Variants in DPP10 observed in about 807,000 individuals in gnomAD.
The protein encoded by DPP10 is dipeptidyl peptidase like 10, also known as inactive dipeptidyl peptidase 10.
DPP10 carries 33 observed loss-of-function variants against 120.9 expected under a neutral mutation model. The ratio of observed to expected loss-of-function variants is 0.27; its 90% confidence interval spans 0.21 to 0.37. The LOEUF (loss-of-function observed/expected upper bound fraction) is 0.37. DPP10 is among the 10% of genes least tolerant of loss of function. DPP10 has a pLI of 1.00. For synonymous variants in DPP10, 337 were observed against 326.1 expected (o/e 1.03, Z -0.36); for missense variants, 816 against 942.8 (o/e 0.87, Z 1.76).
chr2:115,416,420 C>T (rs1039591408), intron 3 of DPP10, among the ~76,000 whole-genome samples: 5 of 152,222 alleles, frequency 3.3e-5, no homozygotes, highest in African/African-American at 9.6e-5. Context: ...TTTATAGCTG[C>T]CTCTGTAGGT....
chr2:114,609,661 G>A (rs1421619674), intron 1 of DPP10, among the ~76,000 whole-genome samples: 1 of 152,110 alleles, frequency 6.6e-6, no homozygotes, highest in Non-Finnish European at 1.5e-5. Flanking sequence ...GTGATAGGGA[G>A]GACAATGTAA....
intron 5 of DPP10, among the ~76,000 whole-genome samples, chr2:115,591,749 A>C (rs1189115348): frequency 1.3e-5 from 2 of 152,126 alleles, no homozygotes; most frequent in South Asian, 4.1e-4. Context: ...CTTGGGCAGT[A>C]TGGCCATTTT....
intron 1 of DPP10, among the ~76,000 whole-genome samples, chr2:115,068,703 T>C (rs1423800985): frequency 2.0e-5 from 3 of 152,180 alleles, no homozygotes; most frequent in Admixed American, 6.5e-5. Flanking sequence ...TAGTTTCAGA[T>C]GTTACATTGA....
chr2:114,925,305 A>C (rs549045553), intron 1 of DPP10, among the ~76,000 whole-genome samples: 72 of 152,228 alleles, frequency 4.7e-4, no homozygotes, highest in Non-Finnish European at 8.7e-4. Flanking sequence ...GCTGCAGGTA[A>C]TGATGATGCT....
At chr2:115,259,271 T>G (rs2059142546) in intron 1 of DPP10, among the ~76,000 whole-genome samples, 1 of 151,906 alleles carries the variant, frequency 6.6e-6, no homozygotes, top group Non-Finnish European at 1.5e-5. Context: ...CACCTGAGAT[T>G]GGGAGTTCGA....
chr2:115,339,984 T>G (rs1251207910), intron 2 of DPP10, among the ~76,000 whole-genome samples: 1 of 152,214 alleles, frequency 6.6e-6, no homozygotes, highest in African/African-American at 2.4e-5. Context: ...AGTATATCAA[T>G]GTCAGTTTCT....
intron 3 of DPP10, among the ~76,000 whole-genome samples, chr2:115,421,191 G>A: frequency 6.6e-6 from 1 of 151,710 alleles, no homozygotes; most frequent in Admixed American, 6.6e-5. Flanking sequence ...CTATATGCCA[G>A]TGTAAATAAT....
intron 21 of DPP10, among the ~76,000 whole-genome samples, chr2:115,816,155 A>C (rs1464417631): frequency 6.6e-6 from 1 of 152,134 alleles, no homozygotes; most frequent in Non-Finnish European, 1.5e-5. Context: ...CTTTGTTTTC[A>C]TGAAGCTTGT....
chr2:114,948,521 A>T (rs918527923), intron 1 of DPP10, among the ~76,000 whole-genome samples: 3 of 152,184 alleles, frequency 2.0e-5, no homozygotes, highest in African/African-American at 7.2e-5. Flanking sequence ...AATGTGAAAA[A>T]TTCAGACCTT....
intron 1 of DPP10, among the ~76,000 whole-genome samples, chr2:114,944,991 G>A (rs574580322): frequency 6.6e-6 from 1 of 152,250 alleles, no homozygotes; most frequent in South Asian, 2.1e-4. Flanking sequence ...ATGGAGAAAA[G>A]GTTAGTCTCT....
intron 5 of DPP10, among the ~76,000 whole-genome samples, chr2:115,554,001 TCACACACACACA>T (rs71881888): frequency 1.3e-4 from 17 of 135,590 alleles, no homozygotes; most frequent in East Asian, 8.9e-4. Flanking sequence ...TCTCTCTCTT[TCACACACACACA>T]CACACACACA....
chr2:115,839,777 C>T (rs894808590), intron 24 of DPP10, among the ~76,000 whole-genome samples: 4 of 151,930 alleles, frequency 2.6e-5, no homozygotes, highest in African/African-American at 9.7e-5. Flanking sequence ...CCAACTTCTG[C>T]AGAAAGAGAT....
At chr2:114,481,549 C>T (rs1457967346) in intron 1 of DPP10, among the ~76,000 whole-genome samples, 1 of 152,094 alleles carries the variant, frequency 6.6e-6, no homozygotes, top group Non-Finnish European at 1.5e-5. Context: ...AACTCATGTT[C>T]ACACAAAAAC....
intron 5 of DPP10, among the ~76,000 whole-genome samples, chr2:115,583,242 C>T (rs2082099467): frequency 6.6e-6 from 1 of 152,164 alleles, no homozygotes; most frequent in African/African-American, 2.4e-5. Context: ...TTCTTTGGTT[C>T]TATTCCAGTT....
chr2:114,469,313 A>C (rs1455467097), intron 1 of DPP10, among the ~76,000 whole-genome samples: 1 of 152,280 alleles, frequency 6.6e-6, no homozygotes, highest in African/African-American at 2.4e-5. Context: ...CTAAGTACTT[A>C]TTAAACAAGA....
At chr2:115,107,829 A>C (rs1028103449) in intron 1 of DPP10, among the ~76,000 whole-genome samples, 2 of 152,188 alleles carry the variant, frequency 1.3e-5, no homozygotes, top group African/African-American at 4.8e-5. Flanking sequence ...AGAAAACCTG[A>C]ATGTGCAAAA....
chr2:115,672,184 T>C (rs961951935), intron 5 of DPP10, among the ~76,000 whole-genome samples: 1 of 152,312 alleles, frequency 6.6e-6, no homozygotes, highest in Middle Eastern at 3.4e-3. Flanking sequence ...GTTATTCCAT[T>C]ATAGACCTTG....
chr2:114,629,358 A>G (rs1694750411), intron 1 of DPP10, among the ~76,000 whole-genome samples: 1 of 152,178 alleles, frequency 6.6e-6, no homozygotes, highest in Non-Finnish European at 1.5e-5. Flanking sequence ...TTCAAAATCA[A>G]AGTGATAACA....
chr2:115,495,240 C>T (rs1023277561), intron 3 of DPP10, among the ~76,000 whole-genome samples: 3 of 151,292 alleles, frequency 2.0e-5, no homozygotes, highest in African/African-American at 4.9e-5. Flanking sequence ...CATTTCAAGA[C>T]GTAATAGTTT....
Sources: allele counts gnomAD v4.1 joint callset (sites outside exome capture counted in the v4.1 genomes callset), GRCh38; gene constraint gnomAD v4.1.1; transcripts MANE v1.5; gene names NCBI Gene and HGNC (gene_info 2026-07-23, HGNC 2026-07-21).